RANBP3: variants seen among roughly 807,000 people sequenced by gnomAD.
The protein encoded by RANBP3 is ran-binding protein 3.
Under a neutral mutation model 77.3 loss-of-function variants are expected in RANBP3, and 14 were observed. The ratio of observed to expected loss-of-function variants is 0.18; its 90% confidence interval spans 0.12 to 0.28. RANBP3 has a LOEUF of 0.28. Among genes scored for constraint, RANBP3 ranks in the 10% least tolerant of loss-of-function variants. RANBP3 has a pLI of 1.00. For missense variants in RANBP3, 586 were observed against 752.3 expected, an observed-to-expected ratio of 0.78 and a Z score of 2.59; for synonymous variants, 315 against 312.4, an observed-to-expected ratio of 1.01 and a Z score of -0.09.
At chr19:5,968,577 G>C (rs746928108) in intron 1 of RANBP3, among the ~76,000 whole-genome samples, 1 of 152,252 alleles carries the variant, frequency 6.6e-6, no homozygotes, top group Non-Finnish European at 1.5e-5. Context: ...ACAGCTGCCA[G>C]TGCCCGGCAA....
Position 5,924,353 on chromosome 19 carries a change from T to C in RANBP3, c.997-439A>G, listed in dbSNP as rs2057871794. Among the ~76,000 whole-genome samples the C allele has an allele frequency of 6.6e-6, 1 of 152,178 alleles. No homozygotes were observed. The highest frequency in any genetic ancestry group is 2.4e-5 in the African/African-American group (1 of 41,444). On this transcript the variant is annotated intron_variant, in intron 11 of 16. Coordinates refer to ENST00000340578, the MANE Select transcript of RANBP3 (RefSeq NM_007322.3). The surrounding 1 kb of genome is among the most constrained non-coding windows in gnomAD (Gnocchi z 4.7). ...CATGTGTAAAGAGGTAGGCAAACCA[T>C]TCTAGAACCCTCTCCCAGGCTGGCT...
At chr19:5,927,877 C>T in intron 9 of RANBP3, 91 bp downstream of exon 9, 1 of 1,498,076 alleles carries the variant, frequency 6.7e-7, no homozygotes, top group Non-Finnish European at 9.0e-7. Flanking sequence ...ACGCTCCCCT[C>T]CCCTGTTAAA....
chr19:5,936,669 G>A (rs554675265), intron 5 of RANBP3, among the ~76,000 whole-genome samples: 4 of 152,216 alleles, frequency 2.6e-5, no homozygotes, highest in Non-Finnish European at 5.9e-5. Context: ...TTGTGACAAA[G>A]TAAGGGCAGT....
chr19:5,962,283 C>G (rs1568477364), intron 1 of RANBP3, among the ~76,000 whole-genome samples: 1 of 152,212 alleles, frequency 6.6e-6, no homozygotes, highest in Non-Finnish European at 1.5e-5. Flanking sequence ...AGGGCAGACG[C>G]TTCAGGAGAA....
rs140522612 is a variant in RANBP3, at chr19:5,918,398, C to A, written c.1473+98G>T. On this transcript the variant is annotated intron_variant, in intron 15 of 16. Coordinates refer to ENST00000340578, the MANE Select transcript of RANBP3 (RefSeq NM_007322.3). ...CAGGAAGCAACTGAAGCCCCTCCCC[C>A]CTCCCCTCCCCACCGTCCTGCCTGA... The A allele has an allele frequency of 8.7e-6, 3 of 344,334 alleles. 1 individual carries two copies. The highest frequency in any genetic ancestry group is 1.4e-5 in the Non-Finnish European group (3 of 212,096). 21.3% of individuals were successfully genotyped at this position (344,334 alleles called of 1,614,324 possible).
At chr19:5,950,383 TCA>T (rs2058260665) in intron 3 of RANBP3, among the ~76,000 whole-genome samples, 1 of 152,220 alleles carries the variant, frequency 6.6e-6, no homozygotes, top group African/African-American at 2.4e-5. Flanking sequence ...TCTTTTTCCA[TCA>T]CACACTGACT....
intron 6 of RANBP3, 119 bp from the exon 7 acceptor site, chr19:5,932,663 G>A: frequency 1.4e-6 from 1 of 715,486 alleles, no homozygotes; most frequent in East Asian, 2.8e-5. Context: ...TTGCAGGGAA[G>A]CACTTTTTTA....
intron 1 of RANBP3, among the ~76,000 whole-genome samples, chr19:5,968,764 T>G (rs762519117): frequency 4.6e-5 from 7 of 152,288 alleles, no homozygotes; most frequent in Middle Eastern, 3.4e-3. Context: ...AGCCAAGCCT[T>G]GCTCTCACCA....
intron 3 of RANBP3, among the ~76,000 whole-genome samples, chr19:5,942,720 A>C (rs973205571): frequency 2.1e-5 from 3 of 140,412 alleles, no homozygotes; most frequent in Non-Finnish European, 4.7e-5. Context: ...AAAAAAAAAA[A>C]CAAAAGGACT....
At position 5,944,519 on chromosome 19, in the gene RANBP3, C is replaced by T. The variant is rs371846197; in HGVS notation, c.283-2684G>A. On this transcript the variant is annotated intron_variant, in intron 3 of 16. Coordinates refer to ENST00000340578, the MANE Select transcript of RANBP3 (RefSeq NM_007322.3). ...CCAGCCAAGCCTGGGCATCTCATGC[C>T]TGGGGCAGCTACTGCCCTCGACGGG... Among the ~76,000 whole-genome samples the T allele has an allele frequency of 2.6e-4, 40 of 152,360 alleles. No individual in the cohort carries two copies. The East Asian group carries it at 7.5e-3, about 29-fold the overall frequency.
At chr19:5,971,336 T>C (rs985473718) in intron 1 of RANBP3, among the ~76,000 whole-genome samples, 1 of 152,092 alleles carries the variant, frequency 6.6e-6, no homozygotes, top group African/African-American at 2.4e-5. Context: ...GAATTCTCTC[T>C]CTTTTTTTTT....
intron 2 of RANBP3, among the ~76,000 whole-genome samples, chr19:5,957,231 G>A (rs1365655565): frequency 4.6e-5 from 7 of 152,152 alleles, no homozygotes; most frequent in African/African-American, 7.2e-5. Context: ...GAGAGAAGCC[G>A]ATGGCTTCAA....
chr19:5,978,065 G>A lies in RANBP3; in HGVS notation c.18C>T (p.Asn6=), dbSNP rs201380454. 6.6e-3 allele frequency: 10,698 copies of A among 1,610,602 alleles called. 41 individuals carry two copies. Among genetic ancestry groups the A allele is most frequent in the Non-Finnish European group, 8.0e-3 (9,445 of 1,178,630 alleles). The change falls in exon 1 of 17, where the codon AAC becomes AAT. Residue 6 remains asparagine, a synonymous_variant. Coordinates refer to ENST00000340578, the MANE Select transcript of RANBP3 (RefSeq NM_007322.3). MADLA[N]EEKPAIAPPV... ...CCCCAACGGCGCCTCCCCTACCTTC[G>A]TTCGCCAGGTCCGCCATTTTACTTC...
intron 1 of RANBP3, among the ~76,000 whole-genome samples, chr19:5,969,501 G>A (rs1372255373): frequency 6.6e-6 from 1 of 152,258 alleles, no homozygotes. Context: ...TGTGTATGGA[G>A]TAACTACTAC....
intron 1 of RANBP3, among the ~76,000 whole-genome samples, chr19:5,967,639 C>A (rs2145260693): frequency 6.6e-6 from 1 of 152,310 alleles, no homozygotes; most frequent in African/African-American, 2.4e-5. Context: ...CACTCCTGCG[C>A]CACCCAGACC....
At chr19:5,935,316 G>A (rs2058048976) in intron 5 of RANBP3, among the ~76,000 whole-genome samples, 1 of 152,196 alleles carries the variant, frequency 6.6e-6, no homozygotes, top group East Asian at 1.9e-4. Context: ...TAGCAGAGCT[G>A]GTGCCTCTCC....
chr19:5,974,729 C>A (rs1299366380), intron 1 of RANBP3, among the ~76,000 whole-genome samples: 1 of 152,116 alleles, frequency 6.6e-6, no homozygotes, highest in Admixed American at 6.5e-5. Flanking sequence ...GGGTCTCAAC[C>A]CTGCCTGCAC....
chr19:5,963,245 C>T (rs149923042), intron 1 of RANBP3, among the ~76,000 whole-genome samples: 47 of 152,202 alleles, frequency 3.1e-4, no homozygotes, highest in African/African-American at 1.1e-3. Context: ...TTTACACATC[C>T]GTATATTAAG....
intron 1 of RANBP3, chr19:5,965,713 GT>G (rs2058459791): frequency 6.6e-6 from 1 of 152,244 alleles, no homozygotes; most frequent in African/African-American, 2.4e-5. Flanking sequence ...GTGAAGAAGG[GT>G]TGTAGAATCC....
Sources: gnomAD v4.1 joint callset for allele counts (sites outside exome capture counted in the v4.1 genomes callset) on GRCh38, gnomAD v4.1.1 for gene constraint, Gnocchi (gnomAD v3.1) non-coding constraint, MANE v1.5 for transcripts, NCBI Gene and HGNC (gene_info 2026-07-23, HGNC 2026-07-21) for gene names.